ZNF804B: variants seen among roughly 807,000 people sequenced by gnomAD.
ZNF804B encodes zinc finger 804B.
ZNF804B carries 80 observed loss-of-function variants against 101.4 expected under a neutral mutation model. The observed-to-expected ratio is 0.79, with a 90% CI of 0.66 to 0.95. The LOEUF is 0.95. ZNF804B is among the 40% of genes least tolerant of loss of function. The pLI, the probability that ZNF804B is intolerant of heterozygous loss-of-function variation, is 0.00. For missense variants in ZNF804B, 1,673 were observed against 1,561.9 expected, an observed-to-expected ratio of 1.07 and a Z score of -1.20; for synonymous variants, 622 against 558.8, an observed-to-expected ratio of 1.11 and a Z score of -1.59.
At chr7:89,239,881 C>T (rs1789340901) in intron 2 of ZNF804B, among the ~76,000 whole-genome samples, 2 of 151,352 alleles carry the variant, frequency 1.3e-5, no homozygotes, top group South Asian at 4.2e-4. Flanking sequence ...TCTAGTGTTT[C>T]ATTGAAATAA....
rs575202011 is a variant in ZNF804B at position 88,793,240 on chromosome 7, G to A, written c.108+33156G>A. Reference sequence around the variant, plus strand: ...AAAATATTCATCTGGATAAAAGAAGGGATCAACTTGAAATTGGTCACATAG... The same window carrying A: ...AAAATATTCATCTGGATAAAAGAAGAGATCAACTTGAAATTGGTCACATAG... On this transcript the variant is annotated intron_variant, in intron 1 of 3. Transcript: ENST00000333190. 2.0e-5 allele frequency among the ~76,000 whole-genome samples: 3 copies of A among 152,034 alleles called. No homozygotes were observed. The East Asian group carries it at 5.8e-4, about 29-fold the overall frequency.
intron 1 of ZNF804B, among the ~76,000 whole-genome samples, chr7:89,077,899 A>G (rs1228769921): frequency 2.0e-5 from 3 of 152,144 alleles, no homozygotes; most frequent in Non-Finnish European, 4.4e-5. Context: ...GGTTTTTATC[A>G]TATGACCTCT....
chr7:89,221,278 T>C (rs1425871225), intron 2 of ZNF804B, among the ~76,000 whole-genome samples: 1 of 152,010 alleles, frequency 6.6e-6, no homozygotes, highest in African/African-American at 2.4e-5. Flanking sequence ...AGAAACTTCT[T>C]ATAAGCACCA....
At chr7:89,277,472 T>C (rs1454043048) in intron 2 of ZNF804B, among the ~76,000 whole-genome samples, 122 of 2,996 alleles carry the variant, frequency 0.041, no homozygotes, top group African/African-American at 0.067. Flanking sequence ...ATGCTATCCC[T>C]CCCCCCTCCC....
At chr7:89,290,893 G>C (rs530588194) in intron 2 of ZNF804B, among the ~76,000 whole-genome samples, 3 of 152,150 alleles carry the variant, frequency 2.0e-5, no homozygotes, top group African/African-American at 7.2e-5. Context: ...TGGCCACAGG[G>C]GTACTACAGT....
At chr7:89,030,305 T>G (rs778761071) in intron 1 of ZNF804B, among the ~76,000 whole-genome samples, 1 of 152,210 alleles carries the variant, frequency 6.6e-6, no homozygotes, top group Non-Finnish European at 1.5e-5. Flanking sequence ...TTATTTAGCA[T>G]ATTTTCAAGG....
chr7:89,218,160 T>C lies in ZNF804B; in HGVS notation c.114T>C (p.Phe38=). 6.2e-7 allele frequency: 1 copy of C among 1,611,208 alleles called. No individual in the cohort carries two copies. The highest frequency in any genetic ancestry group is 8.5e-7 in the Non-Finnish European group (1 of 1,179,122). Residue 38 remains phenylalanine, a synonymous_variant, in exon 2 of 4, where the codon TTT becomes TTC. Coordinates refer to ENST00000333190, the MANE Select transcript of ZNF804B (RefSeq NM_181646.5). ...TTATGTATTTTTTCTTAAAGGATTT[T>C]GCAGAAAAGAAGTCCACAGCAAAGG... is the stretch of plus-strand genomic sequence containing the variant. ...LCKNGSPSPD[F]AEKKSTAKAL... is the part of the protein sequence containing the mutation.
At chr7:89,107,043 G>T (rs977198798) in intron 1 of ZNF804B, among the ~76,000 whole-genome samples, 2 of 152,034 alleles carry the variant, frequency 1.3e-5, no homozygotes, top group South Asian at 2.1e-4. Context: ...GTTGTTAAAG[G>T]CACAGTTATT....
At chr7:89,115,892 A>C (rs1046365253) in intron 1 of ZNF804B, among the ~76,000 whole-genome samples, 2 of 136,416 alleles carry the variant, frequency 1.5e-5, no homozygotes, top group Non-Finnish European at 3.1e-5. Context: ...TTAAAGGTCA[A>C]CAGGTTTTTT....
chr7:89,177,476 C>G (rs571991301), intron 1 of ZNF804B, among the ~76,000 whole-genome samples: 2 of 152,214 alleles, frequency 1.3e-5, no homozygotes, highest in South Asian at 2.1e-4. Context: ...TGATTAGATA[C>G]TTGATGTGAT....
At chr7:89,243,686 G>A (rs374509996) in intron 2 of ZNF804B, among the ~76,000 whole-genome samples, 17 of 151,836 alleles carry the variant, frequency 1.1e-4, no homozygotes, top group East Asian at 3.9e-4. Flanking sequence ...ATTTTCCAGC[G>A]AAGTTTGGAA....
At chr7:89,302,201 A>T (rs1562940926) in intron 2 of ZNF804B, among the ~76,000 whole-genome samples, 2 of 151,592 alleles carry the variant, frequency 1.3e-5, no homozygotes, top group African/African-American at 2.4e-5. Context: ...ATATATGATA[A>T]TTTTTTTTGT....
At chr7:89,303,521 A>G (rs1790515448) in intron 2 of ZNF804B, among the ~76,000 whole-genome samples, 2 of 151,940 alleles carry the variant, frequency 1.3e-5, no homozygotes, top group Non-Finnish European at 2.9e-5. Context: ...TGTAAAATTA[A>G]TTGCTACTTG....
At chr7:88,788,799 G>T (rs17164368) in intron 1 of ZNF804B, among the ~76,000 whole-genome samples, 9,215 of 152,168 alleles carry the variant, frequency 0.061, 400 homozygotes, top group South Asian at 0.18. Flanking sequence ...TTAGAGAAGT[G>T]TGCAACTAGA....
intron 1 of ZNF804B, among the ~76,000 whole-genome samples, chr7:89,045,924 G>A (rs754283050): frequency 1.8e-4 from 28 of 152,080 alleles, no homozygotes; most frequent in Non-Finnish European, 3.4e-4. Context: ...AGATTTCAGA[G>A]GGACTGGAGG....
intron 1 of ZNF804B, among the ~76,000 whole-genome samples, chr7:89,063,224 A>G (rs1789403987): frequency 1.3e-5 from 2 of 152,114 alleles, no homozygotes; most frequent in South Asian, 2.1e-4. Flanking sequence ...TTTTTTCTTT[A>G]TCATCATGAA....
chr7:89,169,318 C>CTT (rs1246731881), intron 1 of ZNF804B, among the ~76,000 whole-genome samples: 3 of 152,126 alleles, frequency 2.0e-5, no homozygotes, highest in Non-Finnish European at 4.4e-5. Context: ...TTGCCACTCG[C>CTT]GGCTCGAATG....
chr7:88,819,951 A>C (rs536437324), intron 1 of ZNF804B, among the ~76,000 whole-genome samples: 1 of 152,280 alleles, frequency 6.6e-6, no homozygotes, highest in Middle Eastern at 3.4e-3. Context: ...AAGCTTCTTA[A>C]GGGTAACTTT....
At chr7:88,992,879 CCTT>C (rs1793866312) in intron 1 of ZNF804B, among the ~76,000 whole-genome samples, 1 of 151,758 alleles carries the variant, frequency 6.6e-6, no homozygotes, top group Admixed American at 6.6e-5. Flanking sequence ...TCAAAATAGT[CCTT>C]CTCAGAGTTC....
Sources: gnomAD v4.1 joint callset for allele counts (sites outside exome capture counted in the v4.1 genomes callset) on GRCh38, gnomAD v4.1.1 for gene constraint, MANE v1.5 for transcripts, NCBI Gene and HGNC (gene_info 2026-07-23, HGNC 2026-07-21) for gene names.